OIT3: variants seen among roughly 807,000 people sequenced by gnomAD.
The protein encoded by OIT3 is oncoprotein-induced transcript 3 protein.
OIT3 carries 41 observed loss-of-function variants against 52.2 expected under a neutral mutation model. The observed-to-expected ratio is 0.79, with a 90% CI of 0.61 to 1.02. The LOEUF is 1.02. Among genes scored for constraint, OIT3 ranks in the 50% least tolerant of loss-of-function variants. OIT3 has a pLI of 0.00. For missense variants in OIT3, 634 were observed against 715.5 expected (o/e 0.89, Z 1.30); for synonymous variants, 244 against 276.9 (o/e 0.88, Z 1.18).
At chr10:72,925,608 A>G (rs1361327455) in intron 7 of OIT3, among the ~76,000 whole-genome samples, 1 of 152,154 alleles carries the variant, frequency 6.6e-6, no homozygotes, top group Non-Finnish European at 1.5e-5. Flanking sequence ...CTTTGTGCTT[A>G]GTTTTTTTCA....
chr10:72,929,135 G>A (rs11000452), intron 7 of OIT3, among the ~76,000 whole-genome samples: 10,730 of 151,974 alleles, frequency 0.071, 555 homozygotes, highest in East Asian at 0.25. Flanking sequence ...TTAGGAGGTC[G>A]AAGCTGCAGT....
chr10:72,913,832 A>AATG, intron 6 of OIT3: 1 of 368,316 alleles, frequency 2.7e-6, no homozygotes, highest in Non-Finnish European at 5.4e-6. Context: ...TGGTGCAGTG[A>AATG]ATGAGTTCAA....
Position 72,897,170 on chromosome 10 carries a change from C to T in OIT3, c.62-1494C>T, listed in dbSNP as rs140398812. The stretch of plus-strand genomic sequence containing the variant: ...TCCCAAGTAGCTGGGATTACAGGCA[C>T]GTGCCACCACGCCCAGCTGATTTCT... On this transcript the variant is annotated intron_variant, in intron 1 of 8. Coordinates refer to ENST00000334011, the MANE Select transcript of OIT3 (RefSeq NM_152635.3). Among the ~76,000 whole-genome samples the T allele has an allele frequency of 7.8e-3, 1,192 of 152,150 alleles. 17 individuals carry two copies. The highest frequency in any genetic ancestry group is 0.026 in the African/African-American group (1,075 of 41,494).
chr10:72,928,140 A>G (rs1589531822), intron 7 of OIT3, among the ~76,000 whole-genome samples: 1 of 152,286 alleles, frequency 6.6e-6, no homozygotes, highest in Non-Finnish European at 1.5e-5. Context: ...GTTCTCCCCG[A>G]TATTGAACAC....
At chr10:72,895,156 T>A (rs1030488604) in intron 1 of OIT3, among the ~76,000 whole-genome samples, 2 of 152,180 alleles carry the variant, frequency 1.3e-5, no homozygotes, top group African/African-American at 4.8e-5. Flanking sequence ...CTTTGTCCTA[T>A]CATCTCAATT....
intron 6 of OIT3, chr10:72,917,749 C>A: frequency 7.8e-7 from 1 of 1,275,338 alleles, no homozygotes; most frequent in East Asian, 2.3e-5. Flanking sequence ...AGAGAATCAC[C>A]TTTTTCTGTA....
rs776632194 is a variant in OIT3 at position 72,932,339 on chromosome 10, T to C, written c.1468-15T>C. The C allele has an allele frequency of 2.5e-6, 4 of 1,613,618 alleles. No homozygotes were observed. The Admixed American group carries it at 6.7e-5, about 27-fold the overall frequency. ...CAGTTATTGTTTTTATTAACAGTCGTGATCATCTCTTCAGGAAGTGTTTCT... is the reference window on the plus strand; with the variant it reads ...CAGTTATTGTTTTTATTAACAGTCGCGATCATCTCTTCAGGAAGTGTTTCT... On this transcript the variant is annotated splice_polypyrimidine_tract_variant and intron_variant, in intron 8 of 8. Transcript: ENST00000334011.
chr10:72,915,748 A>T (rs945812810), intron 6 of OIT3, among the ~76,000 whole-genome samples: 2 of 152,182 alleles, frequency 1.3e-5, no homozygotes, highest in Non-Finnish European at 2.9e-5. Context: ...TGCAAAAAAC[A>T]TGCCATTCTG....
At chr10:72,918,942 C>T (rs1253273621) in intron 6 of OIT3, among the ~76,000 whole-genome samples, 1 of 152,090 alleles carries the variant, frequency 6.6e-6, no homozygotes. Context: ...TTAGGATTGC[C>T]TTGGCTATTC....
intron 5 of OIT3, among the ~76,000 whole-genome samples, chr10:72,912,272 C>CTTTT (rs749814581): frequency 4.8e-5 from 6 of 125,838 alleles, no homozygotes; most frequent in South Asian, 2.6e-4. Flanking sequence ...TCTTTTTTTT[C>CTTTT]TTTTTTTTTT....
intron 1 of OIT3, among the ~76,000 whole-genome samples, chr10:72,897,485 G>A (rs567157027): frequency 6.6e-6 from 1 of 152,140 alleles, no homozygotes; most frequent in African/African-American, 2.4e-5. Flanking sequence ...AAAGTTCTTG[G>A]TATTTTCAAT....
chr10:72,894,725 T>A (rs972235600), intron 1 of OIT3, among the ~76,000 whole-genome samples: 2 of 151,750 alleles, frequency 1.3e-5, no homozygotes, highest in African/African-American at 2.4e-5. Flanking sequence ...TAAAAATACA[T>A]ACACACAAAA....
chr10:72,911,726 G>T lies in OIT3; in HGVS notation c.677G>T (p.Gly226Val). ...TTGGTTTCTACTGCAGACGTTGAAG[G>T]ATGCCACAATAACAATGGTGGCTGC... ...SDGKTCEDVE[G>V]CHNNNGGCSH... Residue 226 changes from glycine to valine, a missense_variant, in exon 5 of 9, where the codon GGA becomes GTA. By Grantham distance (109) the Gly-to-Val change is moderately radical. Coordinates refer to ENST00000334011, the MANE Select transcript of OIT3 (RefSeq NM_152635.3). 6.2e-7 allele frequency: 1 copy of T among 1,613,424 alleles called. No individual in the cohort carries two copies. The highest frequency in any genetic ancestry group is 8.5e-7 in the Non-Finnish European group (1 of 1,179,628).
chr10:72,928,888 A>C (rs1436892373), intron 7 of OIT3, among the ~76,000 whole-genome samples: 1 of 152,116 alleles, frequency 6.6e-6, no homozygotes, highest in Non-Finnish European at 1.5e-5. Context: ...AGGTGCACCA[A>C]AACAGCAGTT....
intron 3 of OIT3, among the ~76,000 whole-genome samples, chr10:72,902,883 A>C (rs1845946705): frequency 6.6e-6 from 1 of 152,228 alleles, no homozygotes; most frequent in Non-Finnish European, 1.5e-5. Context: ...AGACACAGCC[A>C]AATCATATCA....
At chr10:72,901,661 T>A (rs1845935917) in intron 3 of OIT3, among the ~76,000 whole-genome samples, 1 of 152,126 alleles carries the variant, frequency 6.6e-6, no homozygotes, top group South Asian at 2.1e-4. Flanking sequence ...TCGCCCAGGC[T>A]GGAGTGCAGT....
chr10:72,924,638 G>C lies in OIT3; in HGVS notation c.1361G>C (p.Arg454Pro), dbSNP rs142355615. Reference protein sequence around the residue: ...IDEVLKYYLIRDGCVSDDSVK... With the variant: ...IDEVLKYYLIPDGCVSDDSVK... The stretch of plus-strand genomic sequence containing the variant: ...GAGGTCCTGAAATACTACCTCATCC[G>C]GGATGGGTAATGCTGCTGCAAGAAT... Residue 454 changes from arginine (R) to proline (P), a missense_variant, in exon 7 of 9, where the codon CGG (arginine) becomes CCG (proline). Coordinates refer to ENST00000334011, the MANE Select transcript of OIT3 (RefSeq NM_152635.3). The C allele has an allele frequency of 2.5e-6, 4 of 1,605,470 alleles. No homozygotes were observed. Among genetic ancestry groups the C allele is most frequent in the African/African-American group, 1.3e-5 (1 of 74,778 alleles).
At chr10:72,925,237 T>C (rs1319642148) in intron 7 of OIT3, among the ~76,000 whole-genome samples, 3 of 152,156 alleles carry the variant, frequency 2.0e-5, no homozygotes, top group African/African-American at 7.2e-5. Flanking sequence ...CTGAATTTGG[T>C]CATTCAAAAT....
intron 8 of OIT3, among the ~76,000 whole-genome samples, chr10:72,930,857 C>T (rs372664371): frequency 3.9e-5 from 6 of 151,994 alleles, no homozygotes; most frequent in African/African-American, 1.4e-4. Context: ...ATACCACCTG[C>T]CAAAATAACT....
Sources: gnomAD v4.1 joint callset for allele counts (sites outside exome capture counted in the v4.1 genomes callset) on GRCh38, gnomAD v4.1.1 for gene constraint, MANE v1.5 for transcripts, NCBI Gene and HGNC (gene_info 2026-07-23, HGNC 2026-07-21) for gene names.